MNAT1: variants seen among roughly 807,000 people sequenced by gnomAD.
MNAT1 encodes the protein CDK-activating kinase assembly factor MAT1.
A neutral mutation model predicts 42.0 loss-of-function variants in MNAT1; 43 were observed. That is an observed-to-expected ratio of 1.02 (90% CI 0.80 to 1.32). MNAT1 has a LOEUF of 1.32. MNAT1 is among the 40% of genes most tolerant of loss of function. MNAT1 has a pLI of 0.00. For synonymous variants in MNAT1, 118 were observed against 120.0 expected (o/e 0.98, Z 0.11); for missense variants, 306 against 350.4 (o/e 0.87, Z 1.01).
At chr14:60,859,617 A>T (rs1012784832) in intron 6 of MNAT1, among the ~76,000 whole-genome samples, 1 of 152,258 alleles carries the variant, frequency 6.6e-6, no homozygotes, top group African/African-American at 2.4e-5. Flanking sequence ...CATTTCTTTA[A>T]ACGCACTACT....
chr14:60,828,209 C>T (rs2033108766), intron 6 of MNAT1, among the ~76,000 whole-genome samples: 1 of 152,068 alleles, frequency 6.6e-6, no homozygotes, highest in African/African-American at 2.4e-5. Context: ...CTCTTTAAGC[C>T]TTAATTACTC....
At chr14:60,888,593 G>T (rs1318996406) in intron 7 of MNAT1, among the ~76,000 whole-genome samples, 2 of 151,348 alleles carry the variant, frequency 1.3e-5, no homozygotes, top group East Asian at 3.9e-4. Context: ...GGAAGTTCTG[G>T]CCAGGGCAAT....
At chr14:60,737,543 T>C (rs1021855016) in intron 1 of MNAT1, among the ~76,000 whole-genome samples, 1 of 152,098 alleles carries the variant, frequency 6.6e-6, no homozygotes, top group Non-Finnish European at 1.5e-5. Flanking sequence ...TTAAAATTAA[T>C]ATTTAATTAT....
intron 1 of MNAT1, among the ~76,000 whole-genome samples, chr14:60,752,257 A>G (rs1338674524): frequency 6.6e-6 from 1 of 152,232 alleles, no homozygotes; most frequent in African/African-American, 2.4e-5. Flanking sequence ...GAAGTATGAC[A>G]TGCCAGATGC....
intron 1 of MNAT1, among the ~76,000 whole-genome samples, chr14:60,759,659 G>A (rs1428972332): frequency 6.6e-6 from 1 of 152,174 alleles, no homozygotes; most frequent in Non-Finnish European, 1.5e-5. Flanking sequence ...CTCAAAAGGA[G>A]ACTTTTCCTG....
At chr14:60,896,240 G>A (rs2034954590) in intron 7 of MNAT1, among the ~76,000 whole-genome samples, 1 of 152,154 alleles carries the variant, frequency 6.6e-6, no homozygotes, top group African/African-American at 2.4e-5. Flanking sequence ...TTCTGTGCCA[G>A]TGGGAGCAAG....
At chr14:60,848,209 C>A (rs1216447702) in intron 6 of MNAT1, among the ~76,000 whole-genome samples, 2 of 152,116 alleles carry the variant, frequency 1.3e-5, no homozygotes, top group African/African-American at 4.8e-5. Flanking sequence ...TTTCTTTTAG[C>A]CGTTTGAATA....
intron 6 of MNAT1, among the ~76,000 whole-genome samples, chr14:60,856,289 A>G (rs894627981): frequency 2.6e-5 from 4 of 152,232 alleles, no homozygotes; most frequent in Non-Finnish European, 5.9e-5. Flanking sequence ...ATATGGAGAA[A>G]GTTTCAGTGG....
At chr14:60,852,874 C>T (rs774880570) in intron 6 of MNAT1, among the ~76,000 whole-genome samples, 2 of 152,156 alleles carry the variant, frequency 1.3e-5, no homozygotes, top group Non-Finnish European at 2.9e-5. Context: ...GGTGCTACTT[C>T]TGAGGTCTCT....
chr14:60,749,450 A>G (rs1040997840), intron 1 of MNAT1, among the ~76,000 whole-genome samples: 7 of 152,194 alleles, frequency 4.6e-5, no homozygotes, highest in African/African-American at 1.7e-4. Context: ...TAACAAATAT[A>G]TACTGACAGT....
chr14:60,937,700 C>T (rs2139581345), intron 7 of MNAT1, among the ~76,000 whole-genome samples: 1 of 152,232 alleles, frequency 6.6e-6, no homozygotes, highest in South Asian at 2.1e-4. Flanking sequence ...TTAGGATTGA[C>T]TTGGCGATGC....
At position 60,858,419 on chromosome 14, in the gene MNAT1, GT is replaced by G. The variant is rs751077464; in HGVS notation, c.688-21281del. ...TATCCTTTGCCCACTTTTTGATGGG[GT>G]TTTTTTTTTTTTTATAAATTTGTTT... On this transcript the variant is annotated intron_variant, in intron 6 of 7. Transcript: ENST00000261245. Among the ~76,000 whole-genome samples, 995 of 140,504 alleles carry G rather than the reference GT, an allele frequency of 7.1e-3. 16 individuals carry two copies. Among genetic ancestry groups the G allele is most frequent in the African/African-American group, 0.021 (795 of 38,276 alleles). 92.2% of individuals were successfully genotyped at this position (140,504 alleles called of 152,430 possible). A position where few individuals can be genotyped will look rare whatever the true frequency, so the allele number is the denominator to read the frequency against.
intron 7 of MNAT1, among the ~76,000 whole-genome samples, chr14:60,907,110 T>C (rs977557783): frequency 6.6e-6 from 1 of 152,158 alleles, no homozygotes; most frequent in Non-Finnish European, 1.5e-5. Flanking sequence ...GCTGAGTTAG[T>C]ACATTTGAAG....
intron 2 of MNAT1, among the ~76,000 whole-genome samples, chr14:60,797,159 G>C (rs889559604): frequency 1.3e-5 from 2 of 152,062 alleles, no homozygotes; most frequent in Non-Finnish European, 2.9e-5. Flanking sequence ...TTTCAACCCA[G>C]GTAACCAGTG....
intron 1 of MNAT1, among the ~76,000 whole-genome samples, chr14:60,780,897 T>C (rs2140314058): frequency 6.6e-6 from 1 of 152,336 alleles, no homozygotes; most frequent in Admixed American, 6.5e-5. Context: ...AAACTTGTGC[T>C]ATAAAGCTAA....
At chr14:60,902,098 C>T (rs893673974) in intron 7 of MNAT1, among the ~76,000 whole-genome samples, 9 of 152,130 alleles carry the variant, frequency 5.9e-5, no homozygotes, top group African/African-American at 2.2e-4. Context: ...GCTATGACCT[C>T]CCCAGTCTTC....
chr14:60,893,832 T>A (rs1321315137), intron 7 of MNAT1, among the ~76,000 whole-genome samples: 1 of 152,162 alleles, frequency 6.6e-6, no homozygotes, highest in Non-Finnish European at 1.5e-5. Context: ...TTGCCCTTGC[T>A]TTTTACTTAG....
Position 60,771,048 on chromosome 14 carries a change from A to G in MNAT1, c.90-25169A>G, listed in dbSNP as rs536000139. Among the ~76,000 whole-genome samples, 5 of 152,326 alleles carry G rather than the reference A, an allele frequency of 3.3e-5. No individual in the cohort carries two copies. The South Asian group carries it at 6.2e-4, about 19-fold the overall frequency. On this transcript the variant is annotated intron_variant, in intron 1 of 7. Transcript: ENST00000261245. Reference sequence around the variant, plus strand: ...GGTGTATATGAGTTATGGTTTCTCTAGTATATATACGTAGAATAAAACTAT... The same window carrying G: ...GGTGTATATGAGTTATGGTTTCTCTGGTATATATACGTAGAATAAAACTAT...
chr14:60,901,611 C>T (rs545696009), intron 7 of MNAT1, among the ~76,000 whole-genome samples: 1 of 152,114 alleles, frequency 6.6e-6, no homozygotes, highest in South Asian at 2.1e-4. Context: ...ATTTGTGATC[C>T]ATGGGAGGAG....
Sources: allele counts gnomAD v4.1 joint callset (sites outside exome capture counted in the v4.1 genomes callset), GRCh38; gene constraint gnomAD v4.1.1; transcripts MANE v1.5; gene names NCBI Gene and HGNC (gene_info 2026-07-23, HGNC 2026-07-21).